The following DNAJC24 variants were observed in gnomAD, a reference collection of about 807,000 sequenced individuals.
DNAJC24 encodes DnaJ heat shock protein family (Hsp40) member C24, also known as dnaJ homolog subfamily C member 24.
DNAJC24 carries 17 observed loss-of-function variants against 18.0 expected under a neutral mutation model. That is an observed-to-expected ratio of 0.94 (90% CI 0.65 to 1.42). The LOEUF is 1.42. DNAJC24 is among the 40% of genes most tolerant of loss of function. The pLI is 0.00. For missense variants in DNAJC24, 158 were observed against 175.6 expected (o/e 0.90, Z 0.57); for synonymous variants, 55 against 57.7 (o/e 0.95, Z 0.21).
At chr11:31,384,236 C>T (rs1445620136) in intron 2 of DNAJC24, among the ~76,000 whole-genome samples, 1 of 152,198 alleles carries the variant, frequency 6.6e-6, no homozygotes, top group Non-Finnish European at 1.5e-5. Flanking sequence ...ACTTCTTGAA[C>T]TAATCATTGT....
chr11:31,370,569 T>G, intron 1 of DNAJC24, 147 bp from the exon 2 acceptor site: 1 of 452,530 alleles, frequency 2.2e-6, no homozygotes, highest in Non-Finnish European at 4.0e-6. Context: ...TCTTGGGGCA[T>G]TTTAAATGAA....
At chr11:31,413,201 G>C (rs1323064825) in intron 2 of DNAJC24, among the ~76,000 whole-genome samples, 1 of 150,900 alleles carries the variant, frequency 6.6e-6, no homozygotes, top group Non-Finnish European at 1.5e-5. Context: ...CCTGTTTATT[G>C]TAAAAACTTG....
chr11:31,410,489 C>T (rs1313186369), intron 2 of DNAJC24, among the ~76,000 whole-genome samples: 4 of 152,122 alleles, frequency 2.6e-5, no homozygotes, highest in Non-Finnish European at 5.9e-5. Flanking sequence ...CTTGTTTATT[C>T]ATTTCCTTAG....
intron 2 of DNAJC24, among the ~76,000 whole-genome samples, chr11:31,376,391 C>T (rs946464609): frequency 1.3e-5 from 2 of 152,066 alleles, no homozygotes; most frequent in African/African-American, 4.8e-5. Context: ...CAGTTCAGCG[C>T]AATAATTTAT....
chr11:31,386,452 CA>C (rs1554931571), intron 2 of DNAJC24, among the ~76,000 whole-genome samples: 1 of 136,752 alleles, frequency 7.3e-6, no homozygotes, highest in Non-Finnish European at 1.6e-5. Flanking sequence ...TGAGGCCCCC[CA>C]TTCTAGGCTG....
At chr11:31,371,836 T>A (rs1371539525) in intron 2 of DNAJC24, among the ~76,000 whole-genome samples, 1 of 147,482 alleles carries the variant, frequency 6.8e-6, no homozygotes, top group Non-Finnish European at 1.5e-5. Context: ...TTTTTTTTTT[T>A]TTTTGAGATG....
chr11:31,396,185 A>C (rs2133482001), intron 2 of DNAJC24: 1 of 414,784 alleles, frequency 2.4e-6, no homozygotes, highest in East Asian at 7.1e-5. Context: ...ATACTGTTGT[A>C]AGTCTTGAAT....
chr11:31,393,110 A>G (rs964821799), intron 2 of DNAJC24, among the ~76,000 whole-genome samples: 5 of 152,214 alleles, frequency 3.3e-5, no homozygotes, highest in African/African-American at 4.8e-5. Context: ...ATGGACTAAG[A>G]CAGAGCCCTT....
intron 2 of DNAJC24, among the ~76,000 whole-genome samples, chr11:31,393,946 C>T (rs1296592654): frequency 1.3e-5 from 2 of 152,106 alleles, no homozygotes; most frequent in Non-Finnish European, 2.9e-5. Context: ...AGAGCCTCTG[C>T]TCACAACAGT....
At chr11:31,414,347 T>G (rs1309606289) in intron 2 of DNAJC24, among the ~76,000 whole-genome samples, 2 of 152,210 alleles carry the variant, frequency 1.3e-5, no homozygotes, top group Non-Finnish European at 2.9e-5. Flanking sequence ...ATATTTTTAT[T>G]TAAAATTACG....
At chr11:31,380,260 A>T (rs1008280639) in intron 2 of DNAJC24, among the ~76,000 whole-genome samples, 1 of 152,218 alleles carries the variant, frequency 6.6e-6, no homozygotes, top group African/African-American at 2.4e-5. Context: ...AAAGAGATTG[A>T]GGATGTGGAA....
intron 2 of DNAJC24, among the ~76,000 whole-genome samples, chr11:31,386,183 G>T (rs1195874487): frequency 6.6e-6 from 1 of 152,030 alleles, no homozygotes; most frequent in Non-Finnish European, 1.5e-5. Flanking sequence ...GGCCACAAGG[G>T]TTGTAATTCC....
intron 3 of DNAJC24, chr11:31,416,082 C>T (rs1366019166): frequency 1.3e-5 from 2 of 152,108 alleles, no homozygotes; most frequent in Non-Finnish European, 2.9e-5. Context: ...ATAAGAGTGA[C>T]TTATTTATAG....
At chr11:31,385,328 G>A (rs978793122) in intron 2 of DNAJC24, among the ~76,000 whole-genome samples, 1 of 152,122 alleles carries the variant, frequency 6.6e-6, no homozygotes, top group Non-Finnish European at 1.5e-5. Flanking sequence ...TGACCTTTTT[G>A]ATTTTACAAC....
intron 2 of DNAJC24, among the ~76,000 whole-genome samples, chr11:31,401,325 C>T (rs1222199478): frequency 6.6e-6 from 1 of 152,132 alleles, no homozygotes; most frequent in Non-Finnish European, 1.5e-5. Flanking sequence ...ACACCAATAC[C>T]TACCACAAAT....
chr11:31,370,802 A>G lies in DNAJC24; in HGVS notation c.54A>G (p.Ala18=), dbSNP rs1952226666. Residue 18 remains alanine, a synonymous_variant, in exon 2 of 5, where the codon GCA becomes GCG. Transcript: ENST00000465995. ...PKKDWYSILG[A]DPSANISDLK... is the part of the protein sequence containing the mutation. ...AGGATTGGTACAGCATCCTGGGAGC[A>G]GACCCATCTGCAAATATATCAGACC... 1.2e-6 allele frequency: 2 copies of G among 1,613,368 alleles called. No homozygotes were observed. The highest frequency in any genetic ancestry group is 1.3e-5 in the African/African-American group (1 of 74,908).
At chr11:31,410,151 G>A (rs1053566140) in intron 2 of DNAJC24, among the ~76,000 whole-genome samples, 2 of 151,956 alleles carry the variant, frequency 1.3e-5, no homozygotes, top group Non-Finnish European at 2.9e-5. Context: ...CCAAAGTGCT[G>A]GGATTACAGG....
Position 31,405,130 on chromosome 11 carries a change from T to C in DNAJC24, c.112-9681T>C, listed in dbSNP as rs113993131. The stretch of plus-strand genomic sequence containing the variant: ...CTCTGTTGCTCAGGCAGTGCAGTGG[T>C]GTGACCTCAGCTCACTGCAACCTCC... On this transcript the variant is annotated intron_variant, in intron 2 of 4. Transcript: ENST00000465995. 7.8e-3 allele frequency among the ~76,000 whole-genome samples: 1,169 copies of C among 149,954 alleles called. 19 individuals are homozygous for C. The highest frequency in any genetic ancestry group is 0.027 in the African/African-American group (1,119 of 41,066).
chr11:31,411,127 G>A (rs1033389741), intron 2 of DNAJC24, among the ~76,000 whole-genome samples: 3 of 152,050 alleles, frequency 2.0e-5, no homozygotes, highest in African/African-American at 4.8e-5. Context: ...ATAATGAGTC[G>A]ACCTCCCACA....
Sources: allele counts gnomAD v4.1 joint callset (sites outside exome capture counted in the v4.1 genomes callset), GRCh38; gene constraint gnomAD v4.1.1; transcripts MANE v1.5; gene names NCBI Gene and HGNC (gene_info 2026-07-23, HGNC 2026-07-21).